The following ZDHHC13 variants were observed in gnomAD, a reference collection of about 807,000 sequenced individuals.
The protein encoded by ZDHHC13 is palmitoyltransferase ZDHHC13.
A neutral mutation model predicts 86.0 loss-of-function variants in ZDHHC13; 85 were observed. That is an observed-to-expected ratio of 0.99 (90% CI 0.83 to 1.18). ZDHHC13 has a LOEUF of 1.18. ZDHHC13 is among the 50% of genes most tolerant of loss of function. The pLI is 0.00. For missense variants in ZDHHC13, 711 were observed against 730.2 expected (o/e 0.97, Z 0.30); for synonymous variants, 263 against 246.4 (o/e 1.07, Z -0.63).
chr11:19,166,428 C>A, intron 14 of ZDHHC13, 43 bp downstream of exon 14: 3 of 1,476,632 alleles, frequency 2.0e-6, no homozygotes, highest in South Asian at 1.2e-5. Context: ...ACATCTACAC[C>A]CATTTCTACT....
rs776560974 is a variant in ZDHHC13, at chr11:19,142,972, C to A, written c.28-6C>A. ...CATGCTTTGTCAAATGACTCTTACT[C>A]TTCAGTGCAGGAATCACAGCCATGG... On this transcript the variant is annotated splice_region_variant and splice_polypyrimidine_tract_variant and intron_variant, in intron 1 of 16. Transcript: ENST00000446113. 1.9e-6 allele frequency: 3 copies of A among 1,601,456 alleles called. No homozygotes were observed. Among genetic ancestry groups the A allele is most frequent in the Non-Finnish European group, 2.6e-6 (3 of 1,173,166 alleles).
In ZDHHC13 at chr11:19,125,440, CT is replaced by C. The variant is rs780653464; in HGVS notation, c.27+8165del. On this transcript the variant is annotated intron_variant, in intron 1 of 16. Coordinates refer to ENST00000446113, the MANE Select transcript of ZDHHC13 (RefSeq NM_019028.3). ...ACCATGATGAGATGCCCCTATACATCTATTAGACTGACAATCCCAAGTGCTG... is the reference window on the plus strand; with the variant it reads ...ACCATGATGAGATGCCCCTATACATCATTAGACTGACAATCCCAAGTGCTG... Among the ~76,000 whole-genome samples the C allele has an allele frequency of 2.6e-4, 40 of 152,328 alleles. No homozygotes were observed. The East Asian group carries it at 3.5e-3, about 13-fold the overall frequency.
At chr11:19,157,468 C>T (rs1390747267) in intron 9 of ZDHHC13, among the ~76,000 whole-genome samples, 2 of 152,160 alleles carry the variant, frequency 1.3e-5, no homozygotes, top group Admixed American at 6.5e-5. Flanking sequence ...CTGTATCACC[C>T]AAGAGCAGGA....
At chr11:19,145,783 A>G (rs1019623637) in intron 2 of ZDHHC13, among the ~76,000 whole-genome samples, 1 of 152,046 alleles carries the variant, frequency 6.6e-6, no homozygotes, top group Non-Finnish European at 1.5e-5. Flanking sequence ...ATCCCATTCT[A>G]AGTTTGCTTT....
intron 10 of ZDHHC13, among the ~76,000 whole-genome samples, chr11:19,160,801 C>T (rs3802798): frequency 0.59 from 89,824 of 151,554 alleles, 28,332 homozygotes; most frequent in Admixed American, 0.7. Flanking sequence ...AAACCTATTT[C>T]TTGGATGAGT....
intron 1 of ZDHHC13, among the ~76,000 whole-genome samples, chr11:19,141,541 T>C (rs1388091700): frequency 6.6e-6 from 1 of 152,136 alleles, no homozygotes. Flanking sequence ...GTGTCAAAAT[T>C]GCTCATCTTA....
At chr11:19,169,967 G>T in intron 14 of ZDHHC13, 1 of 996,008 alleles carries the variant, frequency 1.0e-6, no homozygotes, top group African/African-American at 1.7e-5. Flanking sequence ...TGATATCTAG[G>T]TGCTTGTGGG....
chr11:19,124,270 AATAAGT>A (rs1013597723), intron 1 of ZDHHC13, among the ~76,000 whole-genome samples: 4 of 152,192 alleles, frequency 2.6e-5, no homozygotes, highest in African/African-American at 7.2e-5. Flanking sequence ...TTCTTTGTTC[AATAAGT>A]ATAAGAAGAA....
Position 19,131,004 on chromosome 11 carries a change from C to A in ZDHHC13, c.28-11974C>A, listed in dbSNP as rs189015295. Among the ~76,000 whole-genome samples the A allele has an allele frequency of 1.1e-3, 172 of 151,798 alleles. 1 individual carries two copies. Among genetic ancestry groups the A allele is most frequent in the African/African-American group, 4.1e-3 (168 of 41,406 alleles). ...GGGACCACAGGTGCGTGCCACCATG[C>A]CCGGCTAATTTTTGTTTGTTTGTTT... On this transcript the variant is annotated intron_variant, in intron 1 of 16. Coordinates refer to ENST00000446113, the MANE Select transcript of ZDHHC13 (RefSeq NM_019028.3).
chr11:19,159,239 A>G (rs1849842350), intron 10 of ZDHHC13, among the ~76,000 whole-genome samples, 199 bp downstream of exon 10: 1 of 152,168 alleles, frequency 6.6e-6, no homozygotes, highest in African/African-American at 2.4e-5. Context: ...TTATGGAAAC[A>G]GTAAGTATCT....
At position 19,146,363 on chromosome 11, in the gene ZDHHC13, T is replaced by C. The variant is rs116143747; in HGVS notation, c.296+60T>C. On this transcript the variant is annotated intron_variant, in intron 3 of 16. Transcript: ENST00000446113. Reference sequence around the variant, plus strand: ...TAATTTTAGACCTCTCCTTCATTTATCTTTTTCTTTAAGTATGGGTATTGA... The same window carrying C: ...TAATTTTAGACCTCTCCTTCATTTACCTTTTTCTTTAAGTATGGGTATTGA... 1.6e-3 allele frequency: 2,527 copies of C among 1,558,032 alleles called. 31 individuals are homozygous for C. In the African/African-American group the frequency reaches 0.03, roughly 18 times the overall value.
chr11:19,132,010 C>T (rs138687638), intron 1 of ZDHHC13, among the ~76,000 whole-genome samples: 1 of 152,210 alleles, frequency 6.6e-6, no homozygotes, highest in East Asian at 1.9e-4. Flanking sequence ...AATACTTATA[C>T]ATACTTATAT....
intron 4 of ZDHHC13, among the ~76,000 whole-genome samples, chr11:19,148,227 A>C (rs1398006393): frequency 6.6e-6 from 1 of 150,400 alleles, no homozygotes; most frequent in African/African-American, 2.4e-5. Context: ...AATACTTATC[A>C]GTTTCTTTTA....
At chr11:19,137,563 G>A (rs904320878) in intron 1 of ZDHHC13, among the ~76,000 whole-genome samples, 76 of 151,586 alleles carry the variant, frequency 5.0e-4, no homozygotes, top group African/African-American at 1.5e-3. Context: ...TGCACCAAGC[G>A]GACCTAATAG....
intron 14 of ZDHHC13, 131 bp from the exon 15 acceptor site, chr11:19,170,280 T>C (rs1850182719): frequency 2.1e-6 from 3 of 1,420,736 alleles, no homozygotes; most frequent in Non-Finnish European, 2.7e-6. Flanking sequence ...AATGAAATCC[T>C]AAAATTGAAT....
intron 9 of ZDHHC13, among the ~76,000 whole-genome samples, chr11:19,157,292 T>G (rs76197102): frequency 7.9e-5 from 12 of 152,206 alleles, no homozygotes; most frequent in Non-Finnish European, 8.8e-5. Flanking sequence ...AAAAATGTAA[T>G]GATGATGATC....
At chr11:19,154,336 T>C (rs193071034) in intron 8 of ZDHHC13, among the ~76,000 whole-genome samples, 1 of 152,286 alleles carries the variant, frequency 6.6e-6, no homozygotes, top group East Asian at 1.9e-4. Flanking sequence ...TTAATTCTTA[T>C]CTCTGTTCTG....
intron 14 of ZDHHC13, chr11:19,169,560 A>G (rs1850162507): frequency 2.0e-6 from 2 of 985,368 alleles, no homozygotes; most frequent in African/African-American, 1.7e-5. Context: ...AGAGGCATTT[A>G]TGAAACCTCA....
chr11:19,164,389 C>T, intron 12 of ZDHHC13, 26 bp downstream of exon 12: 2 of 1,606,062 alleles, frequency 1.2e-6, no homozygotes, highest in Non-Finnish European at 1.7e-6. Context: ...TAATTTTTTT[C>T]CGTAGTGAAA....
Sources: gnomAD v4.1 joint callset for allele counts (sites outside exome capture counted in the v4.1 genomes callset) on GRCh38, gnomAD v4.1.1 for gene constraint, MANE v1.5 for transcripts, NCBI Gene and HGNC (gene_info 2026-07-23, HGNC 2026-07-21) for gene names.